Variants in GABRB1 observed in about 807,000 individuals in gnomAD.
The protein encoded by GABRB1 is gamma-aminobutyric acid receptor subunit beta-1.
A neutral mutation model predicts 51.6 loss-of-function variants in GABRB1; 17 were observed. The observed-to-expected ratio is 0.33, with a 90% CI of 0.23 to 0.49. The LOEUF (loss-of-function observed/expected upper bound fraction) is 0.49. Among genes scored for constraint, GABRB1 ranks in the 20% least tolerant of loss-of-function variants. The pLI is 0.99. For synonymous variants in GABRB1, 247 were observed against 218.9 expected, an observed-to-expected ratio of 1.13 and a Z score of -1.14; for missense variants, 410 against 600.6, an observed-to-expected ratio of 0.68 and a Z score of 3.32.
At chr4:47,152,661 C>T (rs78883739) in intron 3 of GABRB1, among the ~76,000 whole-genome samples, 7 of 151,840 alleles carry the variant, frequency 4.6e-5, no homozygotes, top group South Asian at 2.1e-4. Context: ...TATGTGCATG[C>T]GCCACTGACA....
intron 4 of GABRB1, among the ~76,000 whole-genome samples, chr4:47,175,354 G>A (rs979015019): frequency 6.6e-6 from 1 of 151,930 alleles, no homozygotes; most frequent in Non-Finnish European, 1.5e-5. Context: ...ATCACCCCCA[G>A]CCCTGTAATC....
intron 5 of GABRB1, among the ~76,000 whole-genome samples, chr4:47,370,018 T>C (rs545149617): frequency 6.6e-6 from 1 of 152,292 alleles, no homozygotes; most frequent in Non-Finnish European, 1.5e-5. Context: ...CATATAAAGA[T>C]GCTTCTCTTC....
At chr4:47,048,538 T>C (rs1344799808) in intron 3 of GABRB1, among the ~76,000 whole-genome samples, 1 of 152,156 alleles carries the variant, frequency 6.6e-6, no homozygotes, top group African/African-American at 2.4e-5. Context: ...TCAATTCAAG[T>C]CTATCTGTAC....
intron 3 of GABRB1, among the ~76,000 whole-genome samples, chr4:47,074,046 A>G (rs1727449408): frequency 6.6e-6 from 1 of 152,226 alleles, no homozygotes; most frequent in Non-Finnish European, 1.5e-5. Flanking sequence ...ATGTAATTTA[A>G]ATATGTGTAA....
At chr4:47,267,696 G>A (rs1722694132) in intron 4 of GABRB1, among the ~76,000 whole-genome samples, 1 of 152,170 alleles carries the variant, frequency 6.6e-6, no homozygotes, top group Non-Finnish European at 1.5e-5. Context: ...TCAGAAGGCT[G>A]AGGCAGGAGA....
intron 3 of GABRB1, among the ~76,000 whole-genome samples, chr4:47,160,397 A>G (rs1005488995): frequency 2.6e-5 from 4 of 152,158 alleles, no homozygotes; most frequent in African/African-American, 9.6e-5. Context: ...TTCAGGACTC[A>G]TCCATCGATA....
At chr4:47,125,948 A>G (rs528116371) in intron 3 of GABRB1, among the ~76,000 whole-genome samples, 1 of 149,612 alleles carries the variant, frequency 6.7e-6, no homozygotes, top group Admixed American at 6.7e-5. Context: ...TATAATATAT[A>G]TATAAATATA....
intron 4 of GABRB1, among the ~76,000 whole-genome samples, chr4:47,214,222 A>G (rs938383168): frequency 2.6e-5 from 4 of 152,156 alleles, no homozygotes; most frequent in African/African-American, 4.8e-5. Context: ...GCTCTGATTC[A>G]TCAGGTCTTG....
intron 3 of GABRB1, among the ~76,000 whole-genome samples, chr4:47,040,436 A>T (rs532376529): frequency 6.6e-6 from 1 of 151,780 alleles, no homozygotes; most frequent in African/African-American, 2.4e-5. Context: ...GAATTTAGTG[A>T]CTCTTTGGAT....
intron 4 of GABRB1, among the ~76,000 whole-genome samples, chr4:47,195,303 C>T (rs368533360): frequency 1.6e-4 from 24 of 152,024 alleles, no homozygotes; most frequent in African/African-American, 5.3e-4. Context: ...GGAGGTGGAG[C>T]TTGCAGTGAG....
intron 1 of GABRB1, among the ~76,000 whole-genome samples, chr4:47,008,001 G>T (rs957818586): frequency 6.6e-6 from 1 of 151,818 alleles, no homozygotes; most frequent in African/African-American, 2.4e-5. Context: ...GAGAAGTATA[G>T]AGACAGGCAC....
intron 4 of GABRB1, among the ~76,000 whole-genome samples, chr4:47,305,421 G>T (rs2109944164): frequency 6.6e-6 from 1 of 152,028 alleles, no homozygotes. Flanking sequence ...ATATCACACT[G>T]GTTGTCTTCT....
At chr4:47,354,997 T>TTTTTTG (rs1170854271) in intron 5 of GABRB1, among the ~76,000 whole-genome samples, 1 of 139,636 alleles carries the variant, frequency 7.2e-6, no homozygotes, top group African/African-American at 2.7e-5. Flanking sequence ...TTTTTTTTTT[T>TTTTTTG]TTTTTTTTGA....
intron 5 of GABRB1, 147 bp downstream of exon 5, chr4:47,320,356 G>A (rs1725034884): frequency 3.0e-6 from 2 of 657,388 alleles, no homozygotes; most frequent in Admixed American, 3.0e-5. Context: ...TAGCTCAAGG[G>A]TCATTTCAAT....
At chr4:47,339,823 GCACACACA>G (rs150988131) in intron 5 of GABRB1, among the ~76,000 whole-genome samples, 33 of 141,976 alleles carry the variant, frequency 2.3e-4, no homozygotes, top group South Asian at 9.6e-4. Flanking sequence ...ATAAATAAAT[GCACACACA>G]CACACACACA....
Position 47,166,306 on chromosome 4 carries a change from G to T in GABRB1, c.461+4837G>T, listed in dbSNP as rs559678677. Among the ~76,000 whole-genome samples, 26 of 151,468 alleles carry T rather than the reference G, an allele frequency of 1.7e-4. No homozygotes were observed. The South Asian group carries it at 4.6e-3, about 27-fold the overall frequency. ...TACACTGAATGTGCCTGCCTCTCCC[G>T]CCTCCCTTTCCACCTCTTCCCTGTC... is the stretch of plus-strand genomic sequence containing the variant. On this transcript the variant is annotated intron_variant, in intron 4 of 8. Transcript: ENST00000295454.
At chr4:47,176,416 G>A (rs1050719611) in intron 4 of GABRB1, among the ~76,000 whole-genome samples, 2 of 152,132 alleles carry the variant, frequency 1.3e-5, no homozygotes, top group Non-Finnish European at 2.9e-5. Flanking sequence ...AGAGTAGTCA[G>A]TATGTTTATA....
At chr4:47,009,612 A>G (rs537945749) in intron 1 of GABRB1, among the ~76,000 whole-genome samples, 12 of 152,220 alleles carry the variant, frequency 7.9e-5, no homozygotes, top group South Asian at 2.1e-4. Flanking sequence ...GGTTAGCCAG[A>G]TGATGTCAAA....
intron 5 of GABRB1, among the ~76,000 whole-genome samples, chr4:47,390,762 C>A (rs188850506): frequency 6.6e-6 from 1 of 152,296 alleles, no homozygotes; most frequent in Admixed American, 6.5e-5. Context: ...TTGATGTTCT[C>A]ACTCTGTGGC....
Sources: gnomAD v4.1 joint callset for allele counts (sites outside exome capture counted in the v4.1 genomes callset) on GRCh38, gnomAD v4.1.1 for gene constraint, MANE v1.5 for transcripts, NCBI Gene and HGNC (gene_info 2026-07-23, HGNC 2026-07-21) for gene names.